Variants in MKRN1 observed in about 807,000 individuals in gnomAD.
The protein encoded by MKRN1 is E3 ubiquitin-protein ligase makorin-1.
A neutral mutation model predicts 55.5 loss-of-function variants in MKRN1; 9 were observed. The observed-to-expected ratio is 0.16, with a 90% CI of 0.10 to 0.28. The LOEUF (loss-of-function observed/expected upper bound fraction) is 0.28. Ranked by LOEUF, MKRN1 falls within the 10% of genes least tolerant of loss-of-function variation. The probability of loss-of-function intolerance (pLI) is 1.00; values close to 1 mark genes in which losing one functional copy is unlikely to be tolerated. For missense variants in MKRN1, 488 were observed against 626.7 expected (o/e 0.78, Z 2.36); for synonymous variants, 253 against 235.9 (o/e 1.07, Z -0.66).
At chr7:140,474,373 GCACACAC>G (rs1475545043) in intron 1 of MKRN1, 1 of 268,826 alleles carries the variant, frequency 3.7e-6, no homozygotes, top group Non-Finnish European at 7.7e-6. Context: ...AGGCATGGTG[GCACACAC>G]CTGTAGTCCC....
intron 2 of MKRN1, among the ~76,000 whole-genome samples, chr7:140,462,622 G>C (rs1332920792): frequency 6.6e-6 from 1 of 151,388 alleles, no homozygotes; most frequent in Admixed American, 6.6e-5. Context: ...TGAGCTCAGG[G>C]GTTAGAGACA....
intron 1 of MKRN1, among the ~76,000 whole-genome samples, chr7:140,476,471 C>CAAAAAAAAAAAAAAAAAA (rs59392050): frequency 5.5e-5 from 4 of 72,566 alleles, no homozygotes; most frequent in African/African-American, 2.5e-4. Context: ...CACTCCATCT[C>CAAAAAAAAAAAAAAAAAA]AAAAAAAAAA....
intron 5 of MKRN1, 173 bp downstream of exon 5, chr7:140,456,479 C>CA: frequency 7.0e-7 from 1 of 1,430,980 alleles, no homozygotes; most frequent in Non-Finnish European, 9.1e-7. Flanking sequence ...GTAGATAGAC[C>CA]AACTAACCTA....
At chr7:140,461,530 G>A (rs1794614668) in intron 2 of MKRN1, among the ~76,000 whole-genome samples, 2 of 152,062 alleles carry the variant, frequency 1.3e-5, no homozygotes, top group Non-Finnish European at 2.9e-5. Flanking sequence ...CTACTCAGGA[G>A]AGGCTGAGGC....
At chr7:140,470,387 C>G (rs1276809093) in intron 2 of MKRN1, among the ~76,000 whole-genome samples, 4 of 151,928 alleles carry the variant, frequency 2.6e-5, no homozygotes, top group African/African-American at 4.8e-5. Context: ...GAGTTCGAGA[C>G]CAGCCTGGCC....
chr7:140,459,307 C>A (rs937626716), intron 3 of MKRN1, 74 bp from the exon 4 acceptor site: 1 of 1,441,452 alleles, frequency 6.9e-7, no homozygotes, highest in East Asian at 2.3e-5. Context: ...AGAATCTAAC[C>A]GCAAAAAATG....
At chr7:140,474,444 G>A (rs73489099) in intron 1 of MKRN1, 11,056 of 358,066 alleles carry the variant, frequency 0.031, 1,173 homozygotes, top group African/African-American at 0.22. Flanking sequence ...GGTTGGGGGG[G>A]GCCCAGAGGT....
At chr7:140,472,659 A>T (rs1167195549) in intron 1 of MKRN1, among the ~76,000 whole-genome samples, 1 of 151,080 alleles carries the variant, frequency 6.6e-6, no homozygotes, top group Non-Finnish European at 1.5e-5. Flanking sequence ...AAGTGCTGAG[A>T]TTACAAGCGT....
At chr7:140,458,297 T>C (rs1002080804) in intron 4 of MKRN1, among the ~76,000 whole-genome samples, 2 of 152,208 alleles carry the variant, frequency 1.3e-5, no homozygotes, top group Non-Finnish European at 2.9e-5. Flanking sequence ...AAATGTGGTC[T>C]AGCCATACAA....
intron 1 of MKRN1, chr7:140,474,487 C>A (rs773115826): frequency 2.5e-5 from 7 of 280,046 alleles, no homozygotes; most frequent in South Asian, 1.8e-4. Flanking sequence ...ACTGAGACTC[C>A]GTCTCAAAAA....
Position 140,458,987 on chromosome 7 carries a change from A to G in MKRN1, c.771+20T>C. The stretch of plus-strand genomic sequence containing the variant: ...ATGATTCTCACATCTAATAACACAC[A>G]CATCTCCCTAAAGACTTACTTTGAT... On this transcript the variant is annotated intron_variant, in intron 4 of 7. Transcript: ENST00000255977. The G allele has an allele frequency of 1.9e-6, 3 of 1,610,126 alleles. No individual in the cohort carries two copies. Among genetic ancestry groups the G allele is most frequent in the Non-Finnish European group, 2.6e-6 (3 of 1,176,452 alleles).
chr7:140,473,514 C>T (rs1020829696), intron 1 of MKRN1, among the ~76,000 whole-genome samples: 2 of 152,136 alleles, frequency 1.3e-5, no homozygotes, highest in Non-Finnish European at 2.9e-5. Context: ...GGAATTTCTA[C>T]AAATTATAGA....
intron 2 of MKRN1, among the ~76,000 whole-genome samples, chr7:140,469,783 G>A (rs565167444): frequency 9.9e-5 from 15 of 152,198 alleles, no homozygotes; most frequent in Admixed American, 5.9e-4. Context: ...TGTGGGCCGG[G>A]CGCGGTGGCT....
chr7:140,474,074 A>C (rs1476687731), intron 1 of MKRN1, among the ~76,000 whole-genome samples: 2 of 144,976 alleles, frequency 1.4e-5, no homozygotes, highest in African/African-American at 5.2e-5. Context: ...AGAATAAAAG[A>C]CTGTAGGGTG....
intron 2 of MKRN1, among the ~76,000 whole-genome samples, chr7:140,468,606 CAGG>C (rs1375781144): frequency 2.1e-5 from 3 of 144,556 alleles, no homozygotes; most frequent in Non-Finnish European, 4.4e-5. Context: ...GAGGTTGAGG[CAGG>C]AGAATTGCTT....
intron 2 of MKRN1, among the ~76,000 whole-genome samples, chr7:140,468,701 CA>C (rs528725182): frequency 0.025 from 796 of 32,086 alleles, 1 homozygote; most frequent in Non-Finnish European, 0.032. Flanking sequence ...CTCTGTCTCA[CA>C]AAAAAAAAAA....
In MKRN1 at chr7:140,453,400, G is replaced by A. The variant is rs757265814; in HGVS notation, c.*1117C>T. 3 of 152,438 alleles carry A rather than the reference G, an allele frequency of 2.0e-5. No individual in the cohort carries two copies. The highest frequency in any genetic ancestry group is 2.1e-4 in the South Asian group (1 of 4,816). 9.4% of individuals were successfully genotyped at this position (152,438 alleles called of 1,614,324 possible). On this transcript the variant is annotated 3_prime_UTR_variant, in exon 8 of 8. Coordinates refer to ENST00000255977, the MANE Select transcript of MKRN1 (RefSeq NM_013446.4). ...ACCTTAGAACAGAGTTTTGAATCACGTCTGTCTACCTGAAAGCTCAGGGGT... is the reference window on the plus strand; with the variant it reads ...ACCTTAGAACAGAGTTTTGAATCACATCTGTCTACCTGAAAGCTCAGGGGT...
intron 2 of MKRN1, among the ~76,000 whole-genome samples, chr7:140,470,992 A>C (rs28699169): frequency 6.6e-6 from 1 of 151,646 alleles, no homozygotes; most frequent in Admixed American, 6.6e-5. Context: ...CTGCCATCTC[A>C]TAAGTGTCTC....
chr7:140,459,323 A>G lies in MKRN1; in HGVS notation c.545-90T>C, dbSNP rs1241325944. On this transcript the variant is annotated intron_variant, in intron 3 of 7. Coordinates refer to ENST00000255977, the MANE Select transcript of MKRN1 (RefSeq NM_013446.4). ...GAATCTAACCGCAAAAAATGAAAAT[A>G]AAACTGCAATGAAATACCAAAACAG... 10 of 1,313,766 alleles carry G rather than the reference A, an allele frequency of 7.6e-6. No individual in the cohort carries two copies. In the African/African-American group the frequency reaches 1.3e-4, roughly 17 times the overall value. 81.4% of individuals were successfully genotyped at this position (1,313,766 alleles called of 1,614,324 possible).
Sources: allele counts gnomAD v4.1 joint callset (sites outside exome capture counted in the v4.1 genomes callset), GRCh38; gene constraint gnomAD v4.1.1; transcripts MANE v1.5; gene names NCBI Gene and HGNC (gene_info 2026-07-23, HGNC 2026-07-21).